Variants in CLSTN2 observed in about 807,000 individuals in gnomAD.
The protein encoded by CLSTN2 is calsyntenin 2.
CLSTN2 carries 48 observed loss-of-function variants against 101.2 expected under a neutral mutation model. The observed-to-expected ratio is 0.47, with a 90% CI of 0.38 to 0.60. The LOEUF (loss-of-function observed/expected upper bound fraction) is 0.60. Among genes scored for constraint, CLSTN2 ranks in the 20% least tolerant of loss-of-function variants. The pLI is 0.00. For missense variants in CLSTN2, 1,160 were observed against 1,238.2 expected (o/e 0.94, Z 0.95); for synonymous variants, 481 against 463.6 (o/e 1.04, Z -0.48).
At chr3:140,137,441 G>A (rs1392288516) in intron 1 of CLSTN2, among the ~76,000 whole-genome samples, 1 of 152,006 alleles carries the variant, frequency 6.6e-6, no homozygotes, top group African/African-American at 2.4e-5. Flanking sequence ...CTAGGTTCCT[G>A]TCCTCTGCAA....
At chr3:140,035,060 A>G (rs9836664) in intron 1 of CLSTN2, among the ~76,000 whole-genome samples, 97,021 of 152,030 alleles carry the variant, frequency 0.64, 31,653 homozygotes, top group South Asian at 0.81. Flanking sequence ...ACCTTTACCT[A>G]GTTTGGGGAT....
At chr3:140,401,072 A>T (rs1559859162) in intron 2 of CLSTN2, among the ~76,000 whole-genome samples, 1 of 151,606 alleles carries the variant, frequency 6.6e-6, no homozygotes, top group Non-Finnish European at 1.5e-5. Flanking sequence ...CGCTGGGTCT[A>T]TTTTTGTTTA....
intron 1 of CLSTN2, among the ~76,000 whole-genome samples, chr3:140,119,043 G>A (rs1462020565): frequency 6.6e-6 from 1 of 152,210 alleles, no homozygotes; most frequent in African/African-American, 2.4e-5. Flanking sequence ...GAAAGGGAGA[G>A]AGAGAGGAAT....
intron 2 of CLSTN2, among the ~76,000 whole-genome samples, chr3:140,230,278 G>A (rs372363089): frequency 6.6e-6 from 1 of 152,170 alleles, no homozygotes; most frequent in African/African-American, 2.4e-5. Flanking sequence ...TGGCAGTGTT[G>A]TGTGGTCAAA....
intron 2 of CLSTN2, among the ~76,000 whole-genome samples, chr3:140,200,841 T>C (rs546408402): frequency 5.3e-5 from 8 of 152,252 alleles, no homozygotes; most frequent in Non-Finnish European, 1.0e-4. Flanking sequence ...CTGCTCTTTC[T>C]TTGGGTCTTG....
intron 2 of CLSTN2, among the ~76,000 whole-genome samples, chr3:140,338,136 G>T (rs1333292796): frequency 1.3e-5 from 2 of 152,154 alleles, no homozygotes; most frequent in African/African-American, 4.8e-5. Context: ...GATGCAGAAG[G>T]TCATTGACCT....
intron 1 of CLSTN2, among the ~76,000 whole-genome samples, chr3:140,172,051 G>A (rs2010245844): frequency 6.7e-6 from 1 of 150,356 alleles, no homozygotes; most frequent in Non-Finnish European, 1.5e-5. Context: ...TAATGATCAT[G>A]CCTACCTCAC....
intron 2 of CLSTN2, among the ~76,000 whole-genome samples, chr3:140,219,364 G>A (rs140688636): frequency 1.2e-3 from 183 of 152,162 alleles, no homozygotes; most frequent in African/African-American, 4.3e-3. Flanking sequence ...TTAGTTGCGC[G>A]TGAGTGAGTT....
At chr3:140,124,062 TA>T (rs2009390693) in intron 1 of CLSTN2, among the ~76,000 whole-genome samples, 1 of 151,842 alleles carries the variant, frequency 6.6e-6, no homozygotes, top group African/African-American at 2.4e-5. Flanking sequence ...AACATAATTA[TA>T]AAAGAGGTGG....
chr3:140,387,414 A>G (rs1011633713), intron 2 of CLSTN2, among the ~76,000 whole-genome samples: 4 of 152,226 alleles, frequency 2.6e-5, no homozygotes, highest in Non-Finnish European at 5.9e-5. Flanking sequence ...ACAGCAGTTT[A>G]CTAACCTCTC....
At chr3:140,020,679 C>T (rs2107755469) in intron 1 of CLSTN2, among the ~76,000 whole-genome samples, 1 of 152,322 alleles carries the variant, frequency 6.6e-6, no homozygotes, top group Non-Finnish European at 1.5e-5. Context: ...ATAGCATCTT[C>T]TCCTCCCGCT....
intron 1 of CLSTN2, among the ~76,000 whole-genome samples, chr3:139,993,748 C>A (rs2107829325): frequency 6.6e-6 from 1 of 152,300 alleles, no homozygotes; most frequent in Admixed American, 6.5e-5. Flanking sequence ...TTGCCATAAA[C>A]CACTTACATG....
intron 2 of CLSTN2, among the ~76,000 whole-genome samples, chr3:140,317,375 G>A (rs576604338): frequency 6.6e-6 from 1 of 152,278 alleles, no homozygotes; most frequent in South Asian, 2.1e-4. Context: ...CAAAGAAGTA[G>A]GGAGTGAGTC....
chr3:140,276,683 G>A (rs557747301), intron 2 of CLSTN2, among the ~76,000 whole-genome samples: 1 of 152,286 alleles, frequency 6.6e-6, no homozygotes, highest in South Asian at 2.1e-4. Flanking sequence ...ATCCTGCTTT[G>A]CCTAGACTGA....
At chr3:140,272,148 C>T (rs2086747987) in intron 2 of CLSTN2, among the ~76,000 whole-genome samples, 1 of 152,132 alleles carries the variant, frequency 6.6e-6, no homozygotes, top group Non-Finnish European at 1.5e-5. Flanking sequence ...TTTTATTTTG[C>T]TCGTGTCTAG....
intron 1 of CLSTN2, among the ~76,000 whole-genome samples, chr3:140,141,492 T>A (rs1236434768): frequency 6.6e-6 from 1 of 152,146 alleles, no homozygotes; most frequent in African/African-American, 2.4e-5. Context: ...AAGTTATTAT[T>A]GTTGAGTTTT....
At chr3:140,367,375 T>TG (rs1233793698) in intron 2 of CLSTN2, among the ~76,000 whole-genome samples, 1 of 151,738 alleles carries the variant, frequency 6.6e-6, no homozygotes, top group Non-Finnish European at 1.5e-5. Context: ...TAACTGGGTG[T>TG]GGTGGTGCAT....
intron 8 of CLSTN2, among the ~76,000 whole-genome samples, chr3:140,489,083 C>G (rs72991079): frequency 0.057 from 8,606 of 152,114 alleles, 799 homozygotes; most frequent in African/African-American, 0.2. Flanking sequence ...TCTAGGGATA[C>G]AGATTTAAGT....
intron 2 of CLSTN2, among the ~76,000 whole-genome samples, chr3:140,354,153 T>C (rs1196781580): frequency 6.6e-6 from 1 of 152,104 alleles, no homozygotes; most frequent in Non-Finnish European, 1.5e-5. Flanking sequence ...CCAGACAAGG[T>C]ATGAAAGACC....
Sources: gnomAD v4.1 joint callset for allele counts (sites outside exome capture counted in the v4.1 genomes callset) on GRCh38, gnomAD v4.1.1 for gene constraint, MANE v1.5 for transcripts, NCBI Gene and HGNC (gene_info 2026-07-23, HGNC 2026-07-21) for gene names.